The following CNPPD1 variants were observed in gnomAD, a reference collection of about 807,000 sequenced individuals.
CNPPD1 encodes the protein cyclin Pas1/PHO80 domain containing 1.
Under a neutral mutation model 43.7 loss-of-function variants are expected in CNPPD1, and 40 were observed. The ratio of observed to expected loss-of-function variants is 0.92; its 90% CI spans 0.71 to 1.19. The LOEUF is 1.19. Ranked by LOEUF, CNPPD1 falls within the 50% of genes most tolerant of loss-of-function variation. CNPPD1 has a pLI of 0.00. For missense variants in CNPPD1, 511 were observed against 518.5 expected, an observed-to-expected ratio of 0.99 and a Z score of 0.14; for synonymous variants, 208 against 214.3, an observed-to-expected ratio of 0.97 and a Z score of 0.26.
intron 3 of CNPPD1, 88 bp downstream of exon 3, chr2:219,175,503 A>C (rs1950144443): frequency 7.6e-7 from 1 of 1,319,424 alleles, no homozygotes; most frequent in Non-Finnish European, 1.1e-6. Context: ...TCAAAAAAAA[A>C]AAAAAGAAAG....
rs1160810127 is a variant in CNPPD1 at position 219,174,852 on chromosome 2, C to T, written c.436G>A (p.Asp146Asn). The T allele has an allele frequency of 1.2e-5, 20 of 1,614,066 alleles. No homozygotes were observed. Among genetic ancestry groups the T allele is most frequent in the East Asian group, 2.2e-5 (1 of 44,900 alleles). ...ACACCCCCAGCAGCTCCCCATTCGT[C>T]GTTGAAGACCTCCTCCTCCTCCCCT... The part of the protein sequence containing the change: ...DEGEEEEVFN[D>N]EWGAAGGVAV... The change falls in exon 5 of 8, where the codon GAC (aspartate) becomes AAC (asparagine). Residue 146 changes from aspartate to asparagine, a missense_variant. Asp to Asn is a conservative substitution (Grantham distance 23). Coordinates refer to ENST00000360507, the MANE Select transcript of CNPPD1 (RefSeq NM_015680.6).
rs775599575 is a variant in CNPPD1, at chr2:219,173,180, C to A, written c.691-52G>T. ...GAATCTGTCTTTAACACATTCACCC[C>A]TTGTCTCTAGAAATCTGTGTTCCAG... On this transcript the variant is annotated intron_variant, in intron 7 of 7. Coordinates refer to ENST00000360507, the MANE Select transcript of CNPPD1 (RefSeq NM_015680.6). 4.0e-6 allele frequency: 6 copies of A among 1,509,180 alleles called. No homozygotes were observed. In the African/African-American group the frequency reaches 6.9e-5, roughly 17 times the overall value. 93.5% of individuals were successfully genotyped at this position (1,509,180 alleles called of 1,614,324 possible).
chr2:219,176,387 TC>T, intron 1 of CNPPD1, 56 bp from the exon 2 acceptor site: 1 of 1,345,458 alleles, frequency 7.4e-7, no homozygotes, highest in Non-Finnish European at 1.1e-6. Flanking sequence ...ATGATGCAGA[TC>T]CTGGCTCTGG....
In CNPPD1 at chr2:219,172,900, A is replaced by T. The variant is rs145517904; in HGVS notation, c.919T>A (p.Ser307Thr). The change falls in exon 8 of 8, where the codon TCA becomes ACA. Residue 307 changes from serine (S) to threonine (T), a missense_variant. Transcript: ENST00000360507. ...SCLEGSMGLRSLWGSLLASLT... is the reference protein window; with the variant it reads ...SCLEGSMGLRTLWGSLLASLT... ...GAGGCCAGAAGACTGCCCCAGAGTGACCGCAGCCCCATGCTGCCTTCCAGG... is the reference window on the plus strand; with the variant it reads ...GAGGCCAGAAGACTGCCCCAGAGTGTCCGCAGCCCCATGCTGCCTTCCAGG... 5 of 1,609,074 alleles carry T rather than the reference A, an allele frequency of 3.1e-6. No homozygotes were observed. The Admixed American group carries it at 8.4e-5, about 27-fold the overall frequency.
In CNPPD1 at chr2:219,176,918, G is replaced by A. The variant is rs1483485237; in HGVS notation, c.-90C>T. On this transcript the variant is annotated 5_prime_UTR_variant, in exon 1 of 8. Transcript: ENST00000360507. ...GCTGTCCTTGCCCGCCTGTCCACCT[G>A]CCAGCCTGCCTCCCCGGGGCGGGCC... The A allele has an allele frequency of 1.3e-5, 14 of 1,105,788 alleles. No individual in the cohort carries two copies. The highest frequency in any genetic ancestry group is 1.8e-5 in the Non-Finnish European group (14 of 779,338). 68.5% of individuals were successfully genotyped at this position (1,105,788 alleles called of 1,614,324 possible).
intron 3 of CNPPD1, among the ~76,000 whole-genome samples, chr2:219,175,367 T>C (rs557602868): frequency 7.3e-5 from 11 of 151,488 alleles, no homozygotes; most frequent in Non-Finnish European, 1.3e-4. Context: ...GGCGGTGGTG[T>C]GTGCCTGTAG....
At chr2:219,175,565 C>T in intron 3 of CNPPD1, 26 bp downstream of exon 3, 1 of 1,586,264 alleles carries the variant, frequency 6.3e-7, no homozygotes, top group Non-Finnish European at 8.7e-7. Context: ...CAAACACTCT[C>T]ATCCTATCCT....
At chr2:219,175,241 CTG>C in intron 3 of CNPPD1, 133 bp from the exon 4 acceptor site, 1 of 1,211,922 alleles carries the variant, frequency 8.3e-7, no homozygotes, top group South Asian at 1.6e-5. Flanking sequence ...TGGCTCATGT[CTG>C]TAATCCCAGC....
upstream of CNPPD1, chr2:219,177,228 C>T (rs1950188908): frequency 5.8e-6 from 1 of 172,786 alleles, no homozygotes; most frequent in Non-Finnish European, 1.2e-5. Context: ...TGCCGCCCAT[C>T]TGGCCCAGCC....
intron 1 of CNPPD1, 26 bp downstream of exon 1, chr2:219,176,734 G>A: frequency 2.6e-6 from 4 of 1,526,518 alleles, no homozygotes; most frequent in Non-Finnish European, 3.6e-6. Flanking sequence ...CCGGGAGGCC[G>A]GGGAGGGGGC....
intron 1 of CNPPD1, 51 bp from the exon 2 acceptor site, chr2:219,176,382 G>T: frequency 2.2e-6 from 3 of 1,347,392 alleles, no homozygotes; most frequent in Non-Finnish European, 3.2e-6. Context: ...AAGGTATGAT[G>T]CAGATCCTGG....
In CNPPD1 at chr2:219,172,616, A is replaced by G. The variant is rs1163599998; in HGVS notation, c.1203T>C (p.Ala401=). ...CTGGGAAAACGAAAGACTTGAGGCG[A>G]GCCAGCTCCATGACACTGAAAAGGG... ...QCSLFSVMEL[A]RLKSFVFPG Residue 401 remains alanine, a synonymous_variant, in exon 8 of 8, where the codon GCT becomes GCC. Coordinates refer to ENST00000360507, the MANE Select transcript of CNPPD1 (RefSeq NM_015680.6). 13 of 1,614,166 alleles carry G rather than the reference A, an allele frequency of 8.1e-6. No individual in the cohort carries two copies. The highest frequency in any genetic ancestry group is 1.1e-5 in the Non-Finnish European group (13 of 1,180,038).
chr2:219,176,121 A>T, intron 2 of CNPPD1, 102 bp downstream of exon 2: 1 of 815,772 alleles, frequency 1.2e-6, no homozygotes, highest in Non-Finnish European at 2.1e-6. Context: ...GCTAGCAATG[A>T]AGAGACAGTG....
intron 1 of CNPPD1, 74 bp downstream of exon 1, chr2:219,176,686 G>A (rs1453587309): frequency 4.3e-6 from 5 of 1,171,756 alleles, no homozygotes; most frequent in Non-Finnish European, 6.1e-6. Flanking sequence ...ACAGCAGTCA[G>A]GCGAGCTCGC....
chr2:219,174,051 TC>T, intron 6 of CNPPD1, 94 bp downstream of exon 6: 1 of 1,183,610 alleles, frequency 8.4e-7, no homozygotes, highest in Non-Finnish European at 1.3e-6. Flanking sequence ...GTCTCCTCCC[TC>T]CCCCAGTTAC....
At position 219,175,053 on chromosome 2, in the gene CNPPD1, G is replaced by C. The variant is rs1322527785; in HGVS notation, c.316C>G (p.Leu106Val). ...AAGTAGTCTGGGTTTCGGTGCCGGAGCCGTTCAATGTACACCAGAGCCAGC... is the reference window on the plus strand; with the variant it reads ...AAGTAGTCTGGGTTTCGGTGCCGGACCCGTTCAATGTACACCAGAGCCAGC... ...MMLALVYIER[L>V]RHRNPDYLQH... is the part of the protein sequence containing the mutation. The change falls in exon 4 of 8, where the codon CTC becomes GTC. Residue 106 changes from leucine (L) to valine (V), a missense_variant. Physicochemically the swap from Leu to Val is conservative, Grantham distance 32 (BLOSUM62 1). Coordinates refer to ENST00000360507, the MANE Select transcript of CNPPD1 (RefSeq NM_015680.6). 1.2e-6 allele frequency: 2 copies of C among 1,613,534 alleles called. No individual in the cohort carries two copies. Among genetic ancestry groups the C allele is most frequent in the East Asian group, 2.2e-5 (1 of 44,880 alleles).
chr2:219,172,361 G>T lies in CNPPD1; in HGVS notation c.*225C>A. ...GGGACATGTCCCTGGTCACCAAGCG[G>T]AAGCTCTCCCTGGCGGCATCACTGT... On this transcript the variant is annotated 3_prime_UTR_variant, in exon 8 of 8. Coordinates refer to ENST00000360507, the MANE Select transcript of CNPPD1 (RefSeq NM_015680.6). 3.4e-6 allele frequency: 2 copies of T among 589,786 alleles called. No individual in the cohort carries two copies. Among genetic ancestry groups the T allele is most frequent in the Non-Finnish European group, 6.0e-6 (2 of 332,668 alleles). The allele number at this position is 589,786 out of a possible 1,614,324, so 36.5% of individuals were successfully genotyped here.
chr2:219,172,962 G>A lies in CNPPD1; in HGVS notation c.857C>T (p.Pro286Leu). 1.2e-6 allele frequency: 2 copies of A among 1,613,982 alleles called. No homozygotes were observed. Among genetic ancestry groups the A allele is most frequent in the Admixed American group, 1.7e-5 (1 of 60,002 alleles). Residue 286 changes from proline (P) to leucine (L), a missense_variant, in exon 8 of 8, where the codon CCA becomes CTA. Pro to Leu is a moderately conservative substitution (Grantham distance 98). Transcript: ENST00000360507. Reference sequence around the variant, plus strand: ...ATTAGCGAGAGACGGCAGGCATTGTGGCACAGAAGGTATGCAGGGCTCCAG... The same window carrying A: ...ATTAGCGAGAGACGGCAGGCATTGTAGCACAGAAGGTATGCAGGGCTCCAG... ...CLLEPCIPSV[P>L]QCLPSLANVS...
At chr2:219,174,696 G>C in intron 5 of CNPPD1, 82 bp downstream of exon 5, 1 of 1,502,526 alleles carries the variant, frequency 6.7e-7, no homozygotes, top group Non-Finnish European at 8.9e-7. Context: ...CGAACCAACA[G>C]AAGACTGAGA....
Sources: gnomAD v4.1 joint callset for allele counts (sites outside exome capture counted in the v4.1 genomes callset) on GRCh38, gnomAD v4.1.1 for gene constraint, MANE v1.5 for transcripts, NCBI Gene and HGNC (gene_info 2026-07-23, HGNC 2026-07-21) for gene names.